Variants in SLC43A3 observed in about 807,000 individuals in gnomAD.
SLC43A3 encodes solute carrier family 43 member 3, also known as equilibrative nucleobase transporter 1.
In SLC43A3, 33 loss-of-function variants were observed where a neutral mutation model predicts 53.3. The observed-to-expected ratio is 0.62, with a 90% CI of 0.47 to 0.83. The LOEUF is 0.83. Among genes scored for constraint, SLC43A3 ranks in the 40% least tolerant of loss-of-function variants. The pLI, the probability that SLC43A3 is intolerant of heterozygous loss-of-function variation, is 0.00. For missense variants in SLC43A3, 530 were observed against 610.0 expected (o/e 0.87, Z 1.38); for synonymous variants, 236 against 246.2 (o/e 0.96, Z 0.39).
At chr11:57,414,431 C>T (rs973763808) in intron 11 of SLC43A3, among the ~76,000 whole-genome samples, 184 bp downstream of exon 11, 6 of 148,162 alleles carry the variant, frequency 4.0e-5, no homozygotes, top group African/African-American at 1.3e-4. Flanking sequence ...CTCTTGAACC[C>T]AGGAGGTGCA....
At chr11:57,420,471 G>A (rs1017594062) in intron 7 of SLC43A3, among the ~76,000 whole-genome samples, 1 of 152,196 alleles carries the variant, frequency 6.6e-6, no homozygotes, top group African/African-American at 2.4e-5. Context: ...GAATAAGACA[G>A]AATGGTTGTT....
chr11:57,421,140 A>T, intron 6 of SLC43A3, 76 bp from the exon 7 acceptor site: 1 of 1,302,222 alleles, frequency 7.7e-7, no homozygotes, highest in Non-Finnish European at 1.1e-6. Flanking sequence ...AGCATGTGGC[A>T]GACCCTCCTT....
At chr11:57,421,099 T>C (rs1284952657) in intron 6 of SLC43A3, 35 bp from the exon 7 acceptor site, 13 of 1,499,828 alleles carry the variant, frequency 8.7e-6, no homozygotes, top group Middle Eastern at 1.7e-4. Context: ...ATCACTTATT[T>C]ATTCATGAAA....
At chr11:57,420,481 T>C (rs973318302) in intron 7 of SLC43A3, among the ~76,000 whole-genome samples, 1 of 152,200 alleles carries the variant, frequency 6.6e-6, no homozygotes, top group Admixed American at 6.5e-5. Context: ...GAATGGTTGT[T>C]GATTGACCTC....
rs1942729929 is a variant in SLC43A3, at chr11:57,416,511, C to T, written c.769+62G>A. 5.1e-6 allele frequency: 7 copies of T among 1,361,502 alleles called. No individual in the cohort carries two copies. The East Asian group carries it at 1.2e-4, about 22-fold the overall frequency. 84.3% of individuals were successfully genotyped at this position (1,361,502 alleles called of 1,614,324 possible). The stretch of plus-strand genomic sequence containing the variant: ...TGGGGGAGCTCTGGAGGTGAGGGGC[C>T]AGGAAAGGCACAAGGAGAGGCTTGG... On this transcript the variant is annotated intron_variant, in intron 9 of 13. Coordinates refer to ENST00000395124, the MANE Select transcript of SLC43A3 (RefSeq NM_199329.3).
chr11:57,410,810 TG>T (rs916379775), intron 11 of SLC43A3, among the ~76,000 whole-genome samples: 26 of 152,172 alleles, frequency 1.7e-4, no homozygotes, highest in African/African-American at 6.3e-4. Flanking sequence ...AACTGAATCA[TG>T]GGGGCCAGTC....
Position 57,417,755 on chromosome 11 carries a change from T to G in SLC43A3, c.664A>C (p.Ser222Arg), listed in dbSNP as rs752964350. The G allele has an allele frequency of 1.2e-6, 2 of 1,614,062 alleles. No individual in the cohort carries two copies. The highest frequency in any genetic ancestry group is 2.2e-5 in the South Asian group (2 of 91,080). ...HIPYPLPPNY[S>R]YGLCPGNGTT... is the part of the protein sequence containing the mutation. Reference sequence around the variant, plus strand: ...TCACCAGATAGTCCTTACCCATAGCTGTAGTTGGGGGGCAGTGGGTATGGG... The same window carrying G: ...TCACCAGATAGTCCTTACCCATAGCGGTAGTTGGGGGGCAGTGGGTATGGG... The change falls in exon 8 of 14, where the codon AGC (serine) becomes CGC (arginine). Residue 222 changes from serine (S) to arginine (R), a missense_variant. Physicochemically the swap from Ser to Arg is moderately radical, Grantham distance 110. Around this residue, in one of 3 missense-constraint regions of SLC43A3, gnomAD observed 376 missense variants for 386.7 expected, o/e 0.97. Coordinates refer to ENST00000395124, the MANE Select transcript of SLC43A3 (RefSeq NM_199329.3).
At position 57,417,817 on chromosome 11, in the gene SLC43A3, A is replaced by C; in HGVS notation, c.602T>G (p.Val201Gly). ...IFISVCSTWH[V>G]ARTFLLMPRG... The stretch of plus-strand genomic sequence containing the variant: ...GGGCATCAGGAGGAAAGTGCGTGCT[A>C]CATGCCAGGTACTGCAGACAGAGAT... The change falls in exon 8 of 14, where the codon GTA becomes GGA. Residue 201 changes from valine (V) to glycine (G), a missense_variant. By Grantham distance (109) the Val-to-Gly change is moderately radical. Around this residue, in one of 3 missense-constraint regions of SLC43A3, gnomAD observed 376 missense variants for 386.7 expected, o/e 0.97. Transcript: ENST00000395124. 6.2e-7 allele frequency: 1 copy of C among 1,614,198 alleles called. No individual in the cohort carries two copies. Among genetic ancestry groups the C allele is most frequent in the Non-Finnish European group, 8.5e-7 (1 of 1,180,034 alleles).
At position 57,420,980 on chromosome 11, in the gene SLC43A3, TA is replaced by T; in HGVS notation, c.522del (p.Ile175LeufsTer27). 1 of 1,608,378 alleles carries T rather than the reference TA, an allele frequency of 6.2e-7. No individual in the cohort carries two copies. The highest frequency in any genetic ancestry group is 8.5e-7 in the Non-Finnish European group (1 of 1,174,692). ...GCTGTTGCTATATTTACCTTAATAA[TA>T]AGGAAGACTGCCGAGGAAGAGTCAA... is the stretch of plus-strand genomic sequence containing the variant. ...GAFDSSSAVF[L>X]IIKLLYEKGI... On this transcript the variant is annotated frameshift_variant, in exon 7 of 14. Transcript: ENST00000395124. LOFTEE classifies it high-confidence loss of function.
chr11:57,411,471 C>CAAAA (rs56994898), intron 11 of SLC43A3, among the ~76,000 whole-genome samples: 25 of 78,850 alleles, frequency 3.2e-4, no homozygotes, highest in African/African-American at 5.2e-4. Context: ...CCTTCCTCTA[C>CAAAA]AAAAAAAAAA....
intron 6 of SLC43A3, 92 bp downstream of exon 6, chr11:57,421,205 C>T: frequency 1.5e-6 from 2 of 1,306,456 alleles, no homozygotes; most frequent in Non-Finnish European, 2.2e-6. Context: ...GGGCCAACCC[C>T]ATCTGAGGCA....
chr11:57,423,759 T>C, intron 5 of SLC43A3: 1 of 522,572 alleles, frequency 1.9e-6, no homozygotes, highest in Non-Finnish European at 3.4e-6. Context: ...AATTCTACTC[T>C]CTGAAGTAAT....
Position 57,417,871 on chromosome 11 carries a change from C to T in SLC43A3, c.548G>A (p.Gly183Asp), listed in dbSNP as rs959346310. 2 of 1,613,946 alleles carry T rather than the reference C, an allele frequency of 1.2e-6. No homozygotes were observed. Among genetic ancestry groups the T allele is most frequent in the Admixed American group, 1.7e-5 (1 of 59,988 alleles). ...GATGAAGGAGGCCCTGAGGCTGATG[C>T]CTTTTTCATAAAGAAGCTGCAGAAG... is the stretch of plus-strand genomic sequence containing the variant. Reference protein sequence around the residue: ...FLIIKLLYEKGISLRASFIFI... With the variant: ...FLIIKLLYEKDISLRASFIFI... Residue 183 changes from glycine to aspartate, a missense_variant, in exon 8 of 14, where the codon GGC (glycine) becomes GAC (aspartate). Physicochemically the swap from Gly to Asp is moderately conservative, Grantham distance 94. Coordinates refer to ENST00000395124, the MANE Select transcript of SLC43A3 (RefSeq NM_199329.3).
In SLC43A3 at chr11:57,415,036, G is replaced by A. The variant is rs1166099298; in HGVS notation, c.840C>T (p.Ala280=). 2 of 1,614,238 alleles carry A rather than the reference G, an allele frequency of 1.2e-6. No individual in the cohort carries two copies. The highest frequency in any genetic ancestry group is 1.3e-5 in the African/African-American group (1 of 75,070). Residue 280 remains alanine, a synonymous_variant, in exon 10 of 14, where the codon GCC becomes GCT. Coordinates refer to ENST00000395124, the MANE Select transcript of SLC43A3 (RefSeq NM_199329.3). ...TCACAGACAGCCACACCAGGTGCCA[G>A]GCAAAGCGCCGAGAGAAAGCGTAGC... ...FWSYAFSRRF[A]WHLVWLSVIQ... is the part of the protein sequence containing the mutation.
intron 5 of SLC43A3, 77 bp downstream of exon 5, chr11:57,423,898 TGCCTATA>T: frequency 3.5e-6 from 4 of 1,148,208 alleles, no homozygotes; most frequent in Non-Finnish European, 5.3e-6. Context: ...CTGTATATCT[TGCCTATA>T]GCCCTCTGCT....
intron 4 of SLC43A3, among the ~76,000 whole-genome samples, chr11:57,424,551 A>C (rs1302200094): frequency 6.6e-6 from 1 of 152,122 alleles, no homozygotes; most frequent in East Asian, 1.9e-4. Flanking sequence ...CTATGATTTC[A>C]GGACTACAGT....
At chr11:57,415,499 C>T in intron 9 of SLC43A3, 1 of 899,826 alleles carries the variant, frequency 1.1e-6, no homozygotes, top group Non-Finnish European at 1.5e-6. Flanking sequence ...CTCCTCAGCA[C>T]CTCCCTTTCT....
chr11:57,423,049 C>T (rs1943056827), intron 5 of SLC43A3, among the ~76,000 whole-genome samples: 1 of 152,184 alleles, frequency 6.6e-6, no homozygotes, highest in Admixed American at 6.5e-5. Flanking sequence ...GGAGGCATCT[C>T]GTGGCCACCA....
At chr11:57,415,492 C>T in intron 9 of SLC43A3, 2 of 948,104 alleles carry the variant, frequency 2.1e-6, no homozygotes, top group South Asian at 1.5e-5. Context: ...TAACCTGCTC[C>T]TCAGCACCTC....
Sources: allele counts gnomAD v4.1 joint callset (sites outside exome capture counted in the v4.1 genomes callset), GRCh38; gene constraint gnomAD v4.1.1; regional missense constraint gnomAD v4.1.1; transcripts MANE v1.5; gene names NCBI Gene and HGNC (gene_info 2026-07-23, HGNC 2026-07-21).